DPP6: variants seen among roughly 807,000 people sequenced by gnomAD.
DPP6 encodes the protein dipeptidyl peptidase like 6.
DPP6 carries 69 observed loss-of-function variants against 122.6 expected under a neutral mutation model. That is an observed-to-expected ratio of 0.56 (90% CI 0.46 to 0.69). The LOEUF is 0.69. Among genes scored for constraint, DPP6 ranks in the 30% least tolerant of loss-of-function variants. DPP6 has a pLI of 0.00. For missense variants in DPP6, 928 were observed against 1,116.9 expected (o/e 0.83, Z 2.41); for synonymous variants, 418 against 433.1 (o/e 0.97, Z 0.43).
At chr7:154,688,337 TA>T (rs757251772) in intron 7 of DPP6, among the ~76,000 whole-genome samples, 1 of 152,188 alleles carries the variant, frequency 6.6e-6, no homozygotes, top group Non-Finnish European at 1.5e-5. Flanking sequence ...TTTATTTACT[TA>T]AAAAATACTT....
intron 2 of DPP6, among the ~76,000 whole-genome samples, chr7:154,470,905 C>G (rs1054309732): frequency 6.6e-6 from 1 of 152,160 alleles, no homozygotes; most frequent in South Asian, 2.1e-4. Flanking sequence ...CAGAAATGTT[C>G]CTTGTTTTGA....
chr7:154,517,937 C>T (rs1249128417), intron 3 of DPP6, among the ~76,000 whole-genome samples: 9 of 152,140 alleles, frequency 5.9e-5, no homozygotes, highest in Non-Finnish European at 1.5e-5. Flanking sequence ...AAATGAGATG[C>T]AGTGATGACC....
chr7:154,004,342 G>A (rs1456413866), intron 1 of DPP6, among the ~76,000 whole-genome samples: 1 of 152,196 alleles, frequency 6.6e-6, no homozygotes, highest in Admixed American at 6.5e-5. Flanking sequence ...GACATTTACT[G>A]AGTAATCACT....
chr7:153,956,003 G>T (rs1802443573), intron 1 of DPP6, among the ~76,000 whole-genome samples: 2 of 152,174 alleles, frequency 1.3e-5, no homozygotes, highest in South Asian at 2.1e-4. Context: ...GTCCTATAAA[G>T]GTGCGTGAGA....
At chr7:154,792,615 G>T (rs934647711) in intron 10 of DPP6, among the ~76,000 whole-genome samples, 1 of 152,232 alleles carries the variant, frequency 6.6e-6, no homozygotes, top group Non-Finnish European at 1.5e-5. Context: ...GAGCAGGGGG[G>T]AGGGCATGGT....
intron 3 of DPP6, among the ~76,000 whole-genome samples, chr7:154,533,997 C>CAAA (rs34678693): frequency 0.03 from 4,329 of 143,968 alleles, 215 homozygotes; most frequent in African/African-American, 0.1. Flanking sequence ...GACCCTGTCT[C>CAAA]AAAAAAAAAA....
intron 4 of DPP6, among the ~76,000 whole-genome samples, chr7:154,545,029 C>T (rs1286067206): frequency 6.6e-6 from 1 of 152,208 alleles, no homozygotes; most frequent in African/African-American, 2.4e-5. Context: ...CAGAGTGAGG[C>T]AGAGGCATCC....
intron 5 of DPP6, among the ~76,000 whole-genome samples, chr7:154,616,873 T>C (rs1389640708): frequency 6.6e-6 from 1 of 152,148 alleles, no homozygotes; most frequent in Non-Finnish European, 1.5e-5. Flanking sequence ...TTTGTCTTCT[T>C]AAAAATATTA....
At chr7:154,469,618 A>G (rs898987068) in intron 2 of DPP6, among the ~76,000 whole-genome samples, 5 of 152,120 alleles carry the variant, frequency 3.3e-5, no homozygotes, top group Non-Finnish European at 7.4e-5. Flanking sequence ...TTTAAATTTC[A>G]TTGTTTCTAA....
chr7:153,818,844 C>T, the DPP6 span, among the ~76,000 whole-genome samples: 5 of 151,764 alleles, frequency 3.3e-5, no homozygotes, highest in African/African-American at 7.3e-5. Flanking sequence ...CTCTGCCTCC[C>T]GGGTGCAAGC....
intron 3 of DPP6, among the ~76,000 whole-genome samples, chr7:154,491,182 T>C (rs537832499): frequency 1.3e-5 from 2 of 152,318 alleles, no homozygotes; most frequent in East Asian, 1.9e-4. Context: ...AAAGTACTTA[T>C]GTTCCTCAAT....
chr7:154,633,832 C>T (rs1444392191), intron 5 of DPP6, among the ~76,000 whole-genome samples: 2 of 152,078 alleles, frequency 1.3e-5, no homozygotes, highest in Non-Finnish European at 2.9e-5. Context: ...CCCACTTCCC[C>T]ATTTTTTAAG....
chr7:154,690,822 T>C (rs1292926467), intron 7 of DPP6, among the ~76,000 whole-genome samples: 1 of 152,192 alleles, frequency 6.6e-6, no homozygotes. Context: ...TTCATCCTCA[T>C]GGTGGTAAAA....
At chr7:154,352,594 A>G (rs986154696) in intron 1 of DPP6, among the ~76,000 whole-genome samples, 6 of 151,720 alleles carry the variant, frequency 4.0e-5, no homozygotes, top group African/African-American at 9.7e-5. Context: ...CAAAGACTAC[A>G]TGTTCTCACT....
chr7:153,908,997 C>T (rs1563223443), intron 1 of DPP6, among the ~76,000 whole-genome samples: 1 of 152,170 alleles, frequency 6.6e-6, no homozygotes, highest in East Asian at 1.9e-4. Context: ...CATGATCTGC[C>T]CGCCTCAGCC....
At chr7:154,256,272 A>T (rs1319877740) in intron 1 of DPP6, among the ~76,000 whole-genome samples, 1 of 152,196 alleles carries the variant, frequency 6.6e-6, no homozygotes, top group Non-Finnish European at 1.5e-5. Flanking sequence ...GAAAGGTTTC[A>T]TAAACTACAG....
intron 1 of DPP6, among the ~76,000 whole-genome samples, chr7:153,909,932 G>C (rs1800008093): frequency 6.6e-6 from 1 of 152,012 alleles, no homozygotes; most frequent in South Asian, 2.1e-4. Context: ...GCTGTCTTCT[G>C]TCCTGCTAAG....
At chr7:153,833,375 A>C in the DPP6 span, among the ~76,000 whole-genome samples, 1 of 152,206 alleles carries the variant, frequency 6.6e-6, no homozygotes, top group African/African-American at 2.4e-5. Context: ...AATGGAAACA[A>C]TAAAAAGGGA....
At chr7:154,123,884 A>T (rs1433173263) in intron 1 of DPP6, among the ~76,000 whole-genome samples, 1 of 149,476 alleles carries the variant, frequency 6.7e-6, no homozygotes, top group East Asian at 2.0e-4. Flanking sequence ...CCTGGGACAG[A>T]TGTGCCACCC....
Sources: allele counts gnomAD v4.1 joint callset (sites outside exome capture counted in the v4.1 genomes callset), GRCh38; gene constraint gnomAD v4.1.1; transcripts MANE v1.5; gene names NCBI Gene and HGNC (gene_info 2026-07-23, HGNC 2026-07-21).